Variants in SLC14A2 observed in about 807,000 individuals in gnomAD.
The protein encoded by SLC14A2 is urea transporter 2.
Under a neutral mutation model 104.6 loss-of-function variants are expected in SLC14A2, and 91 were observed. That is an observed-to-expected ratio of 0.87 (90% CI 0.73 to 1.04). SLC14A2 has a LOEUF of 1.04. Among genes scored for constraint, SLC14A2 ranks in the 50% least tolerant of loss-of-function variants. The pLI, the probability that SLC14A2 is intolerant of heterozygous loss-of-function variation, is 0.00. For missense variants in SLC14A2, 1,189 were observed against 1,156.0 expected (o/e 1.03, Z -0.41); for synonymous variants, 476 against 466.4 (o/e 1.02, Z -0.27).
At chr18:45,183,832 C>T in the SLC14A2 span, among the ~76,000 whole-genome samples, 4 of 150,996 alleles carry the variant, frequency 2.6e-5, no homozygotes, top group African/African-American at 9.7e-5. Flanking sequence ...AACTCCTGGG[C>T]CAAGCTATCC....
At chr18:45,436,800 T>TC (rs1478699714) in intron 1 of SLC14A2, 1 of 151,486 alleles carries the variant, frequency 6.6e-6, no homozygotes, top group East Asian at 1.9e-4. Context: ...TTTCTTTCTT[T>TC]TTTTTTAAGC....
intron 1 of SLC14A2, among the ~76,000 whole-genome samples, chr18:45,431,831 C>T (rs999187818): frequency 1.3e-5 from 2 of 152,218 alleles, no homozygotes; most frequent in African/African-American, 4.8e-5. Flanking sequence ...GGTGACAATC[C>T]ATCCACTAAA....
chr18:45,257,615 T>C (rs1353589576), intron 1 of SLC14A2, among the ~76,000 whole-genome samples: 1 of 152,238 alleles, frequency 6.6e-6, no homozygotes, highest in Non-Finnish European at 1.5e-5. Flanking sequence ...TTGATTTCTT[T>C]ATTTCTATGT....
intron 1 of SLC14A2, among the ~76,000 whole-genome samples, chr18:45,364,207 G>T (rs981928313): frequency 1.3e-5 from 2 of 152,186 alleles, no homozygotes; most frequent in African/African-American, 4.8e-5. Flanking sequence ...ATGGCTGCTT[G>T]CAGGGGGTCA....
intron 1 of SLC14A2, among the ~76,000 whole-genome samples, chr18:45,408,677 A>G (rs1298960541): frequency 6.6e-6 from 1 of 152,196 alleles, no homozygotes; most frequent in East Asian, 1.9e-4. Flanking sequence ...TTATCTGTGG[A>G]CCACAGAGAG....
At chr18:45,658,999 C>A (rs2045890285) in intron 10 of SLC14A2, among the ~76,000 whole-genome samples, 1 of 152,190 alleles carries the variant, frequency 6.6e-6, no homozygotes, top group African/African-American at 2.4e-5. Flanking sequence ...GACCGTGCCC[C>A]TGAAATGGTC....
At chr18:45,552,960 C>T (rs541650239) in intron 2 of SLC14A2, among the ~76,000 whole-genome samples, 1 of 152,276 alleles carries the variant, frequency 6.6e-6, no homozygotes, top group South Asian at 2.1e-4. Context: ...TTAAAAGGAT[C>T]ATCCTGGCTG....
intron 1 of SLC14A2, among the ~76,000 whole-genome samples, chr18:45,471,786 A>G (rs944166824): frequency 1.3e-5 from 2 of 150,672 alleles, no homozygotes; most frequent in South Asian, 2.1e-4. Context: ...TTGCTCTTTC[A>G]GTTGTCTGGA....
chr18:45,352,404 A>G (rs1249186196), intron 1 of SLC14A2, among the ~76,000 whole-genome samples: 1 of 152,122 alleles, frequency 6.6e-6, no homozygotes, highest in African/African-American at 2.4e-5. Flanking sequence ...TTATCCCCCA[A>G]AGAGGAGGAA....
At chr18:45,468,145 T>C (rs2087178014) in intron 1 of SLC14A2, among the ~76,000 whole-genome samples, 1 of 152,132 alleles carries the variant, frequency 6.6e-6, no homozygotes, top group South Asian at 2.1e-4. Flanking sequence ...AATCCCGAGC[T>C]AAGAAACAAG....
At chr18:45,385,045 A>G (rs1292133417) in intron 1 of SLC14A2, among the ~76,000 whole-genome samples, 2 of 152,212 alleles carry the variant, frequency 1.3e-5, no homozygotes, top group African/African-American at 2.4e-5. Flanking sequence ...GAACATCAGG[A>G]TATTGTAATT....
At chr18:45,527,605 A>T (rs1169838155) in intron 2 of SLC14A2, among the ~76,000 whole-genome samples, 2 of 152,214 alleles carry the variant, frequency 1.3e-5, no homozygotes, top group Non-Finnish European at 2.9e-5. Flanking sequence ...TATGGGAAGG[A>T]TGTGGCATTT....
chr18:45,601,689 C>CA (rs1406304941), intron 2 of SLC14A2, among the ~76,000 whole-genome samples: 1 of 152,206 alleles, frequency 6.6e-6, no homozygotes, highest in Non-Finnish European at 1.5e-5. Context: ...AAATGAACAT[C>CA]ATTGAGGAAA....
At chr18:45,227,596 C>T (rs989038387) in intron 1 of SLC14A2, among the ~76,000 whole-genome samples, 1 of 152,212 alleles carries the variant, frequency 6.6e-6, no homozygotes, top group Admixed American at 6.5e-5. Context: ...CTGATCACCT[C>T]TTAAAGGCCC....
At chr18:45,241,095 A>G (rs535217901) in intron 1 of SLC14A2, among the ~76,000 whole-genome samples, 3 of 152,322 alleles carry the variant, frequency 2.0e-5, no homozygotes, top group East Asian at 3.9e-4. Context: ...AGGAAAAGGA[A>G]CAGCATGGAG....
At chr18:45,290,880 A>C (rs1031469700) in intron 1 of SLC14A2, among the ~76,000 whole-genome samples, 3 of 152,212 alleles carry the variant, frequency 2.0e-5, no homozygotes, top group Non-Finnish European at 4.4e-5. Flanking sequence ...ACGAAGCTGT[A>C]CAACTTCTCT....
chr18:45,219,968 A>G (rs984019664), intron 1 of SLC14A2, among the ~76,000 whole-genome samples: 2 of 152,260 alleles, frequency 1.3e-5, no homozygotes, highest in African/African-American at 4.8e-5. Flanking sequence ...CGATACTTGC[A>G]GAGGGTTAAG....
At chr18:45,676,372 A>G (rs1053411962) in intron 18 of SLC14A2, among the ~76,000 whole-genome samples, 1 of 152,238 alleles carries the variant, frequency 6.6e-6, no homozygotes, top group African/African-American at 2.4e-5. Flanking sequence ...TCAGAGGACA[A>G]GGACATCTAG....
intron 1 of SLC14A2, among the ~76,000 whole-genome samples, chr18:45,459,032 A>G (rs1489481327): frequency 6.6e-6 from 1 of 152,242 alleles, no homozygotes; most frequent in Non-Finnish European, 1.5e-5. Context: ...GTGGCAGTCC[A>G]TTCTGAATAA....
Sources: allele counts gnomAD v4.1 joint callset (sites outside exome capture counted in the v4.1 genomes callset), GRCh38; gene constraint gnomAD v4.1.1; transcripts MANE v1.5; gene names NCBI Gene and HGNC (gene_info 2026-07-23, HGNC 2026-07-21).